Variants in ADCY9 observed in about 807,000 individuals in gnomAD.
ADCY9 encodes the protein adenylate cyclase 9.
Under a neutral mutation model 101.5 loss-of-function variants are expected in ADCY9, and 50 were observed. The observed-to-expected ratio is 0.49, with a 90% CI of 0.39 to 0.62. The LOEUF (loss-of-function observed/expected upper bound fraction) is 0.62. Ranked by LOEUF, ADCY9 falls within the 20% of genes least tolerant of loss-of-function variation. The pLI is 0.00. For synonymous variants in ADCY9, 905 were observed against 769.3 expected, an observed-to-expected ratio of 1.18 and a Z score of -2.92; for missense variants, 1,662 against 1,800.4, an observed-to-expected ratio of 0.92 and a Z score of 1.39.
At chr16:4,106,613 G>C (rs762945711) in intron 2 of ADCY9, among the ~76,000 whole-genome samples, 1 of 152,180 alleles carries the variant, frequency 6.6e-6, no homozygotes, top group Non-Finnish European at 1.5e-5. Context: ...GAGGGGACCT[G>C]CAGAATTCTA....
intron 2 of ADCY9, among the ~76,000 whole-genome samples, chr16:4,073,927 T>C (rs766015644): frequency 6.6e-6 from 1 of 152,320 alleles, no homozygotes; most frequent in Non-Finnish European, 1.5e-5. Flanking sequence ...AAATCTTCCA[T>C]TGTTCTAAAA....
chr16:4,064,985 CAG>C (rs1436460900), intron 2 of ADCY9, among the ~76,000 whole-genome samples: 1 of 152,118 alleles, frequency 6.6e-6, no homozygotes, highest in East Asian at 1.9e-4. Context: ...AGCGAATACA[CAG>C]AGTGACAGAG....
intron 7 of ADCY9, among the ~76,000 whole-genome samples, chr16:3,979,605 T>C (rs189556700): frequency 4.6e-5 from 7 of 152,352 alleles, no homozygotes; most frequent in African/African-American, 1.7e-4. Flanking sequence ...GCCACCACGT[T>C]GCCGTCACCG....
chr16:3,967,343 TTTTTC>T (rs201102377), intron 10 of ADCY9, among the ~76,000 whole-genome samples: 10 of 141,914 alleles, frequency 7.0e-5, no homozygotes, highest in Admixed American at 2.2e-4. Context: ...TTTCTTTTTC[TTTTTC>T]TTTTTTTTTA....
intron 6 of ADCY9, chr16:3,984,288 G>T (rs771034702): frequency 1.3e-5 from 2 of 152,354 alleles, no homozygotes; most frequent in Non-Finnish European, 2.9e-5. Flanking sequence ...CGAAAGCGGG[G>T]CTTCGTGGCG....
rs553004569 is a variant in ADCY9 at position 3,955,977 on chromosome 16, C to T, written c.568-2461G>A. 7.6e-4 allele frequency among the ~76,000 whole-genome samples: 116 copies of T among 152,284 alleles called. 3 individuals carry two copies. The South Asian group carries it at 0.022, about 29-fold the overall frequency. ...TCCTGCGCTCAAGCGATCCTCCCAA[C>T]GCAGCCTCCCAAGTAGCTGGGATCA... On this transcript the variant is annotated intron_variant, in intron 5 of 5. Transcript: ENST00000576936.
At chr16:4,000,410 T>A (rs190851402) in intron 3 of ADCY9, among the ~76,000 whole-genome samples, 1 of 152,188 alleles carries the variant, frequency 6.6e-6, no homozygotes, top group African/African-American at 2.4e-5. Context: ...GGCAGAGCCA[T>A]GGGGCTAACT....
In ADCY9 at chr16:3,992,210, G is replaced by C. The variant is rs201116391; in HGVS notation, c.2143C>G (p.Leu715Val). The C allele has an allele frequency of 8.5e-5, 137 of 1,614,190 alleles. 1 individual carries two copies. The highest frequency in any genetic ancestry group is 7.5e-4 in the Admixed American group (45 of 60,034). Residue 715 changes from leucine (L) to valine (V), a missense_variant, in exon 5 of 11, where the codon CTG (leucine) becomes GTG (valine). Leu to Val is a conservative substitution (Grantham distance 32). Transcript: ENST00000294016. The surrounding 1 kb of genome is among the most constrained non-coding windows in gnomAD (Gnocchi z 4.2). ...VSLDQSALLP[L>V]RFKNIREKTD... Reference sequence around the variant, plus strand: ...TTCTCCCGGATGTTCTTGAACCTCAGCGGAAGGAGAGCCGACTGGTCCAGG... The same window carrying C: ...TTCTCCCGGATGTTCTTGAACCTCACCGGAAGGAGAGCCGACTGGTCCAGG...
chr16:3,997,403 C>CT (rs1221900266), intron 3 of ADCY9, among the ~76,000 whole-genome samples: 1 of 152,228 alleles, frequency 6.6e-6, no homozygotes, highest in Non-Finnish European at 1.5e-5. Flanking sequence ...AGGCTGAGCT[C>CT]TGGGGGCCTG....
At chr16:3,973,788 C>T (rs572233778) in intron 10 of ADCY9, among the ~76,000 whole-genome samples, 2 of 150,546 alleles carry the variant, frequency 1.3e-5, no homozygotes, top group Admixed American at 6.6e-5. Context: ...TCACCGAGCC[C>T]GGTCCTTTTC....
At chr16:4,100,261 C>G (rs907547631) in intron 2 of ADCY9, among the ~76,000 whole-genome samples, 1 of 152,098 alleles carries the variant, frequency 6.6e-6, no homozygotes, top group Non-Finnish European at 1.5e-5. Flanking sequence ...TGACGCCTCC[C>G]CAGCCATGCA....
In ADCY9 at chr16:3,966,487, G is replaced by A. The variant is rs1417890063; in HGVS notation, c.3350C>T (p.Ala1117Val). The change falls in exon 11 of 11, where the codon GCG becomes GTG. Residue 1117 changes from alanine (A) to valine (V), a missense_variant. Ala to Val is a moderately conservative substitution (Grantham distance 64). Transcript: ENST00000294016. The stretch of plus-strand genomic sequence containing the variant: ...GGCCTGCGCGGTGTTCAGCCCTGAC[G>A]CCGCCATGTACGTGGCTCCGATGGT... ...IKTIGATYMA[A>V]SGLNTAQAQD... is the part of the protein sequence containing the mutation. The A allele has an allele frequency of 3.1e-6, 5 of 1,614,114 alleles. No individual in the cohort carries two copies. The South Asian group carries it at 3.3e-5, about 11-fold the overall frequency.
At chr16:4,016,848 G>A (rs1317451735) in intron 2 of ADCY9, among the ~76,000 whole-genome samples, 3 of 152,302 alleles carry the variant, frequency 2.0e-5, no homozygotes, top group African/African-American at 7.2e-5. Flanking sequence ...AACTGCTAAC[G>A]GATGCAGGGT....
chr16:3,966,644 C>T lies in ADCY9; in HGVS notation c.3193G>A (p.Val1065Ile), dbSNP rs1297229961. The change falls in exon 11 of 11, where the codon GTC (valine) becomes ATC (isoleucine). Residue 1065 changes from valine (V) to isoleucine (I), a missense_variant. Val to Ile is a conservative substitution (Grantham distance 29, BLOSUM62 3). Around this residue, in one of 5 missense-constraint regions of ADCY9, gnomAD observed 220 missense variants for 312.9 expected, o/e 0.70. Coordinates refer to ENST00000294016, the MANE Select transcript of ADCY9 (RefSeq NM_001116.4). ...TCCTCGTAGAACTCGCTGAAGTTGACGATGCTGGCGAAGATCACCCCTCCG... is the reference window on the plus strand; with the variant it reads ...TCCTCGTAGAACTCGCTGAAGTTGATGATGCTGGCGAAGATCACCCCTCCG... ...DSGGVIFASI[V>I]NFSEFYEENY... 8 of 1,614,048 alleles carry T rather than the reference C, an allele frequency of 5.0e-6. No individual in the cohort carries two copies. The highest frequency in any genetic ancestry group is 1.6e-4 in the Middle Eastern group (1 of 6,084).
rs55746006 is a variant in ADCY9 at position 3,991,763 on chromosome 16, TAAAA to T, written c.2207+379_2207+382del. ...GCAACACAGCAAGACCTAGTCCTTA[TAAAA>T]AAAAAAAAAAAAAAAAAAAAAGCCA... On this transcript the variant is annotated intron_variant, in intron 5 of 10. Coordinates refer to ENST00000294016, the MANE Select transcript of ADCY9 (RefSeq NM_001116.4). Among the ~76,000 whole-genome samples the T allele has an allele frequency of 2.5e-3, 231 of 91,404 alleles. 16 individuals are homozygous for T. The highest frequency in any genetic ancestry group is 9.0e-3 in the East Asian group (28 of 3,124). 60.0% of individuals were successfully genotyped at this position (91,404 alleles called of 152,430 possible). A position where few individuals can be genotyped will look rare whatever the true frequency, so the allele number is the denominator to read the frequency against.
intron 7 of ADCY9, among the ~76,000 whole-genome samples, chr16:3,980,237 G>C (rs577356781): frequency 6.6e-6 from 1 of 152,106 alleles, no homozygotes. Context: ...CCTTTTGCAG[G>C]CGTGTGTCTA....
chr16:4,071,079 C>T (rs910052420), intron 2 of ADCY9, among the ~76,000 whole-genome samples: 21 of 151,688 alleles, frequency 1.4e-4, no homozygotes, highest in African/African-American at 3.6e-4. Context: ...CCTGTAATCC[C>T]GGCACTTTGG....
At chr16:4,076,774 A>T (rs962921036) in intron 2 of ADCY9, among the ~76,000 whole-genome samples, 1 of 152,270 alleles carries the variant, frequency 6.6e-6, no homozygotes, top group African/African-American at 2.4e-5. Flanking sequence ...CAGTGCATCA[A>T]TAATTAAGAA....
chr16:4,049,105 C>T (rs2056684455), intron 2 of ADCY9, among the ~76,000 whole-genome samples: 1 of 152,206 alleles, frequency 6.6e-6, no homozygotes, highest in African/African-American at 2.4e-5. Flanking sequence ...TCACAGGGCT[C>T]ACCCGGAAGG....
Sources: allele counts gnomAD v4.1 joint callset (sites outside exome capture counted in the v4.1 genomes callset), GRCh38; gene constraint gnomAD v4.1.1; regional missense constraint gnomAD v4.1.1; non-coding constraint Gnocchi (gnomAD v3.1); transcripts MANE v1.5; gene names NCBI Gene and HGNC (gene_info 2026-07-23, HGNC 2026-07-21).